The following ZNF483 variants were observed in gnomAD, a reference collection of about 807,000 sequenced individuals.
ZNF483 encodes zinc finger protein 483.
ZNF483 carries 9 observed loss-of-function variants against 28.6 expected under a neutral mutation model. That is an observed-to-expected ratio of 0.32 (90% CI 0.19 to 0.55). ZNF483 has a LOEUF of 0.55. Ranked by LOEUF, ZNF483 falls within the 20% of genes least tolerant of loss-of-function variation. The pLI is 0.93. For synonymous variants in ZNF483, 322 were observed against 306.2 expected (o/e 1.05, Z -0.54); for missense variants, 675 against 871.7 (o/e 0.77, Z 2.84).
chr9:111,536,821 C>A (rs1827515348), intron 5 of ZNF483, among the ~76,000 whole-genome samples: 1 of 151,702 alleles, frequency 6.6e-6, no homozygotes, highest in Non-Finnish European at 1.5e-5. Context: ...AACATAATTA[C>A]ATATGTTATG....
Position 111,527,439 on chromosome 9 carries a change from CAGA to C in ZNF483, c.46_48del (p.Glu16del), listed in dbSNP as rs1190086473. On this transcript the variant is annotated inframe_deletion, in exon 2 of 6. Coordinates refer to ENST00000309235, the MANE Select transcript of ZNF483 (RefSeq NM_133464.5). ...TTGAACAAGATGACAGCCATCTCAC[CAGA>C]ACCTCAAACTCTGGCCTCGACTGAA... is the stretch of plus-strand genomic sequence containing the variant. 1 of 1,614,092 alleles carries C rather than the reference CAGA, an allele frequency of 6.2e-7. No individual in the cohort carries two copies. Among genetic ancestry groups the C allele is most frequent in the Admixed American group, 1.7e-5 (1 of 60,022 alleles).
chr9:111,534,124 C>G, intron 4 of ZNF483, 137 bp from the exon 5 acceptor site: 2 of 828,792 alleles, frequency 2.4e-6, no homozygotes, highest in South Asian at 3.5e-5. Context: ...ATTTTTGTCT[C>G]AAGTTCCAGT....
At position 111,539,584 on chromosome 9, in the gene ZNF483, A is replaced by G. The variant is rs1387655785; in HGVS notation, c.722-2073A>G. 16 of 386,712 alleles carry G rather than the reference A, an allele frequency of 4.1e-5. No individual in the cohort carries two copies. The Admixed American group carries it at 4.9e-4, about 12-fold the overall frequency. 24.0% of individuals were successfully genotyped at this position (386,712 alleles called of 1,614,324 possible). On this transcript the variant is annotated intron_variant, in intron 5 of 5. Transcript: ENST00000309235. ...TTGAAGACCAGCCTGACCAACATGG[A>G]GAAGCCCCATCTCTACTAAAAATAC...
At chr9:111,574,196 T>C (rs1024168938) in intron 5 of ZNF483, 1 of 152,230 alleles carries the variant, frequency 6.6e-6, no homozygotes, top group African/African-American at 2.4e-5. Context: ...CTTTTTACAG[T>C]TTTGCATTAA....
rs1404119263 is a variant in ZNF483 at position 111,550,476 on chromosome 9, T to G, written c.*7306T>G. ...CTGCCTGCCATGGAGTGGGTGGGGATGGGTAGCTGCTACTTCACTGAAGGC... is the reference window on the plus strand; with the variant it reads ...CTGCCTGCCATGGAGTGGGTGGGGAGGGGTAGCTGCTACTTCACTGAAGGC... On this transcript the variant is annotated 3_prime_UTR_variant, in exon 6 of 6. Coordinates refer to ENST00000309235, the MANE Select transcript of ZNF483 (RefSeq NM_133464.5). Among the ~76,000 whole-genome samples the G allele has an allele frequency of 6.6e-6, 1 of 152,206 alleles. No individual in the cohort carries two copies. Among genetic ancestry groups the G allele is most frequent in the East Asian group, 1.9e-4 (1 of 5,204 alleles).
Position 111,553,832 on chromosome 9 carries a change from G to T in ZNF483, c.*10662G>T, listed in dbSNP as rs1237788719. ...TGACTACCATATTAAGTTGCTCTAC[G>T]CAATCCTAGCCACAGAGAACCCAAC... On this transcript the variant is annotated 3_prime_UTR_variant, in exon 6 of 6. Coordinates refer to ENST00000309235, the MANE Select transcript of ZNF483 (RefSeq NM_133464.5). Among the ~76,000 whole-genome samples, 1 of 152,152 alleles carries T rather than the reference G, an allele frequency of 6.6e-6. No individual in the cohort carries two copies. Among genetic ancestry groups the T allele is most frequent in the African/African-American group, 2.4e-5 (1 of 41,412 alleles).
At position 111,546,851 on chromosome 9, in the gene ZNF483, C is replaced by T. The variant is rs1289116611; in HGVS notation, c.*3681C>T. ...AAACAGTAACTCCCCATTTTCTCCT[C>T]CTCAGGCTCCTGGTAACCACTGTTC... On this transcript the variant is annotated 3_prime_UTR_variant, in exon 6 of 6. Coordinates refer to ENST00000309235, the MANE Select transcript of ZNF483 (RefSeq NM_133464.5). Among the ~76,000 whole-genome samples the T allele has an allele frequency of 1.3e-5, 2 of 152,116 alleles. No homozygotes were observed. Among genetic ancestry groups the T allele is most frequent in the African/African-American group, 4.8e-5 (2 of 41,440 alleles).
Position 111,542,538 on chromosome 9 carries a change from A to T in ZNF483, c.1603A>T (p.Ser535Cys). Residue 535 changes from serine (S) to cysteine (C), a missense_variant, in exon 6 of 6, where the codon AGT becomes TGT. Physicochemically the swap from Ser to Cys is moderately radical, Grantham distance 112. Around this residue, in one of 6 missense-constraint regions of ZNF483, gnomAD observed 41 missense variants for 69.0 expected, o/e 0.59. Coordinates refer to ENST00000309235, the MANE Select transcript of ZNF483 (RefSeq NM_133464.5). This position sits in a 1 kb window ranked among gnomAD's most constrained non-coding sequence, Gnocchi z 6.2. ...AGACTGTGGGAGACCCTTTAGTGACAGTTCATCTCTTATTCAACATCAGCG... is the reference window on the plus strand; with the variant it reads ...AGACTGTGGGAGACCCTTTAGTGACTGTTCATCTCTTATTCAACATCAGCG... ...CKDCGRPFSDSSSLIQHQRIH... is the reference protein window; with the variant it reads ...CKDCGRPFSDCSSLIQHQRIH... 2 of 1,614,162 alleles carry T rather than the reference A, an allele frequency of 1.2e-6. No individual in the cohort carries two copies.
downstream of ZNF483, among the ~76,000 whole-genome samples, chr9:111,559,385 A>G (rs1828210677): frequency 6.6e-6 from 1 of 151,328 alleles, no homozygotes; most frequent in African/African-American, 2.4e-5. Flanking sequence ...TTCTCACCCT[A>G]CTTGGACTCT....
chr9:111,568,595 T>G (rs1233907712), intron 5 of ZNF483, among the ~76,000 whole-genome samples: 5 of 152,194 alleles, frequency 3.3e-5, no homozygotes, highest in African/African-American at 1.2e-4. Flanking sequence ...CATGTGATCT[T>G]TGTGACCTAC....
intron 5 of ZNF483, chr9:111,574,731 T>C (rs775254903): frequency 1.2e-6 from 2 of 1,608,332 alleles, no homozygotes; most frequent in Non-Finnish European, 1.7e-6. Context: ...ATGTGCTCAT[T>C]ACCTGGGGGA....
Position 111,560,972 on chromosome 9 carries a change from TATAG to T in ZNF483, c.722-15391_722-15388del, listed in dbSNP as rs1462175952. On this transcript the variant is annotated intron_variant, in intron 5 of 5. Transcript: ENST00000358151. ...ATATATATATATATATATATATATA[TATAG>T]AGAGAGAGAGAGAGAGAGAGAGAGA... is the stretch of plus-strand genomic sequence containing the variant. Among the ~76,000 whole-genome samples, 85 of 21,318 alleles carry T rather than the reference TATAG, an allele frequency of 4.0e-3. 16 individuals carry two copies. Among genetic ancestry groups the T allele is most frequent in the South Asian group, 6.2e-3 (3 of 482 alleles). 14.0% of individuals were successfully genotyped at this position (21,318 alleles called of 152,430 possible).
intron 5 of ZNF483, among the ~76,000 whole-genome samples, chr9:111,566,532 C>T (rs1197099961): frequency 3.3e-5 from 5 of 152,176 alleles, no homozygotes; most frequent in African/African-American, 1.2e-4. Context: ...TAAAATAATG[C>T]AACTTGATTG....
In ZNF483 at chr9:111,553,859, A is replaced by C. The variant is rs771948720; in HGVS notation, c.*10689A>C. 3.3e-5 allele frequency among the ~76,000 whole-genome samples: 5 copies of C among 152,214 alleles called. No homozygotes were observed. The highest frequency in any genetic ancestry group is 7.3e-5 in the Non-Finnish European group (5 of 68,042). On this transcript the variant is annotated 3_prime_UTR_variant, in exon 6 of 6. Coordinates refer to ENST00000309235, the MANE Select transcript of ZNF483 (RefSeq NM_133464.5). Reference sequence around the variant, plus strand: ...AATCCTAGCCACAGAGAACCCAACAAATTGGAGTAGCTTAACTGAATGAAA... The same window carrying C: ...AATCCTAGCCACAGAGAACCCAACACATTGGAGTAGCTTAACTGAATGAAA...
chr9:111,539,806 C>G (rs1827627074), intron 5 of ZNF483: 1 of 165,610 alleles, frequency 6.0e-6, no homozygotes, highest in South Asian at 1.5e-4. Flanking sequence ...ATATGATGAT[C>G]ATCATGTCAC....
rs531186344 is a variant in ZNF483, at chr9:111,545,443, T to C, written c.*2273T>C. Reference sequence around the variant, plus strand: ...AATTTATTGAGGTACAAATTACATATCATTAAAACCATTTCAAGTGTACAA... The same window carrying C: ...AATTTATTGAGGTACAAATTACATACCATTAAAACCATTTCAAGTGTACAA... On this transcript the variant is annotated 3_prime_UTR_variant, in exon 6 of 6. Coordinates refer to ENST00000309235, the MANE Select transcript of ZNF483 (RefSeq NM_133464.5). Among the ~76,000 whole-genome samples the C allele has an allele frequency of 1.3e-5, 2 of 152,272 alleles. No homozygotes were observed. Among genetic ancestry groups the C allele is most frequent in the Admixed American group, 1.3e-4 (2 of 15,298 alleles).
At chr9:111,576,161 G>A (rs558086605) in intron 5 of ZNF483, among the ~76,000 whole-genome samples, 15 of 149,918 alleles carry the variant, frequency 1.0e-4, no homozygotes, top group Non-Finnish European at 1.6e-4. Context: ...TGGTGAGACT[G>A]AGTCTCAAAA....
At chr9:111,558,991 C>T (rs1828199691), downstream of ZNF483, among the ~76,000 whole-genome samples, 1 of 152,168 alleles carries the variant, frequency 6.6e-6, no homozygotes, top group East Asian at 1.9e-4. Flanking sequence ...CTCTCAAGCT[C>T]TGACATCCTG....
At position 111,544,476 on chromosome 9, in the gene ZNF483, T is replaced by A; in HGVS notation, c.*1306T>A. ...TAACAACACTGGGCTTTTATTTATG[T>A]AAAGCACTCAGCTGGTCCTGGGTAG... On this transcript the variant is annotated 3_prime_UTR_variant, in exon 6 of 6. Transcript: ENST00000309235. 1 of 600,030 alleles carries A rather than the reference T, an allele frequency of 1.7e-6. No homozygotes were observed. Among genetic ancestry groups the A allele is most frequent in the Non-Finnish European group, 2.1e-6 (1 of 477,268 alleles). 37.2% of individuals were successfully genotyped at this position (600,030 alleles called of 1,614,324 possible).
Sources: allele counts gnomAD v4.1 joint callset (sites outside exome capture counted in the v4.1 genomes callset), GRCh38; gene constraint gnomAD v4.1.1; regional missense constraint gnomAD v4.1.1; non-coding constraint Gnocchi (gnomAD v3.1); transcripts MANE v1.5; gene names NCBI Gene and HGNC (gene_info 2026-07-23, HGNC 2026-07-21).